The following PAM variants were observed in gnomAD, a reference collection of about 807,000 sequenced individuals.
PAM encodes the protein peptidylglycine alpha-amidating monooxygenase.
Under a neutral mutation model 122.1 loss-of-function variants are expected in PAM, and 72 were observed. The observed-to-expected ratio is 0.59, with a 90% CI of 0.49 to 0.72. PAM has a LOEUF of 0.72. PAM is among the 30% of genes least tolerant of loss of function. The pLI is 0.00. For synonymous variants in PAM, 389 were observed against 404.4 expected, an observed-to-expected ratio of 0.96 and a Z score of 0.46; for missense variants, 1,106 against 1,183.7, an observed-to-expected ratio of 0.93 and a Z score of 0.96.
rs898199506 is a variant in PAM at position 103,022,184 on chromosome 5, G to C, written c.2485+2341G>C. Among the ~76,000 whole-genome samples the C allele has an allele frequency of 2.9e-5, 4 of 140,190 alleles. No individual in the cohort carries two copies. In the Admixed American group the frequency reaches 3.1e-4, roughly 11 times the overall value. The allele number at this position is 140,190 out of a possible 152,430, so 92.0% of individuals were successfully genotyped here. A position where few individuals can be genotyped will look rare whatever the true frequency, so the allele number is the denominator to read the frequency against. On this transcript the variant is annotated intron_variant, in intron 23 of 25. Coordinates refer to ENST00000438793, the MANE Select transcript of PAM (RefSeq NM_001177306.2). ...AAAATAAAAAAACCTCTTTAGTGCA[G>C]TTAGCTTTTTAGGCCTTATGGTAAG...
At chr5:102,990,487 G>T in intron 16 of PAM, 86 bp downstream of exon 16, 2 of 992,052 alleles carry the variant, frequency 2.0e-6, no homozygotes, top group East Asian at 2.8e-5. Context: ...AATGGTGAGA[G>T]AACTATAAAG....
At chr5:102,767,998 G>A (rs924233461) in intron 1 of PAM, among the ~76,000 whole-genome samples, 1 of 152,108 alleles carries the variant, frequency 6.6e-6, no homozygotes, top group Non-Finnish European at 1.5e-5. Context: ...AGCTTGTCGT[G>A]TGGGAATTAA....
intron 7 of PAM, among the ~76,000 whole-genome samples, chr5:102,945,041 T>C (rs1756572943): frequency 6.6e-6 from 1 of 152,158 alleles, no homozygotes; most frequent in Admixed American, 6.6e-5. Flanking sequence ...AAAATATTCA[T>C]GTACTGTATT....
At position 103,029,194 on chromosome 5, in the gene PAM, A is replaced by T; in HGVS notation, c.*129A>T. ...GTCTGTGTGGGACTGTACACACTTT[A>T]TTTACTTCGTTTTGGTTAAGTTGGC... On this transcript the variant is annotated 3_prime_UTR_variant, in exon 26 of 26. Coordinates refer to ENST00000438793, the MANE Select transcript of PAM (RefSeq NM_001177306.2). 1.6e-6 allele frequency: 1 copy of T among 635,474 alleles called. No homozygotes were observed. The highest frequency in any genetic ancestry group is 2.4e-6 in the Non-Finnish European group (1 of 417,738). 39.4% of individuals were successfully genotyped at this position (635,474 alleles called of 1,614,324 possible).
At chr5:102,971,202 G>A (rs1765726274) in intron 14 of PAM, among the ~76,000 whole-genome samples, 1 of 152,206 alleles carries the variant, frequency 6.6e-6, no homozygotes, top group Non-Finnish European at 1.5e-5. Flanking sequence ...GGTTGAAGCA[G>A]ATGCATGTTG....
chr5:102,905,897 T>TA (rs1405185032), intron 4 of PAM, among the ~76,000 whole-genome samples: 1 of 151,672 alleles, frequency 6.6e-6, no homozygotes, highest in Non-Finnish European at 1.5e-5. Flanking sequence ...GGAAAACACT[T>TA]AGTTTCTTAG....
intron 7 of PAM, among the ~76,000 whole-genome samples, chr5:102,936,442 T>A (rs1753281430): frequency 1.3e-5 from 2 of 152,144 alleles, no homozygotes; most frequent in Admixed American, 1.3e-4. Flanking sequence ...CTGACATCCT[T>A]AATGTGCAAG....
At chr5:102,807,059 T>C (rs1004318847) in intron 1 of PAM, among the ~76,000 whole-genome samples, 1 of 152,222 alleles carries the variant, frequency 6.6e-6, no homozygotes, top group Non-Finnish European at 1.5e-5. Flanking sequence ...ACAACCTTCA[T>C]TTTTGATTGT....
intron 1 of PAM, among the ~76,000 whole-genome samples, chr5:102,806,186 C>T (rs1210965976): frequency 1.3e-5 from 2 of 152,142 alleles, no homozygotes; most frequent in Non-Finnish European, 2.9e-5. Flanking sequence ...TTTTTCCACC[C>T]TAATTCTGTT....
chr5:102,899,935 G>C (rs1357356002), intron 3 of PAM, among the ~76,000 whole-genome samples: 2 of 151,580 alleles, frequency 1.3e-5, no homozygotes, highest in African/African-American at 2.4e-5. Flanking sequence ...CTTTATGACA[G>C]GAGGCAGTGG....
chr5:103,011,848 A>G (rs1780727720), intron 21 of PAM, among the ~76,000 whole-genome samples: 1 of 152,150 alleles, frequency 6.6e-6, no homozygotes, highest in Non-Finnish European at 1.5e-5. Flanking sequence ...AAACTGTTCT[A>G]TATAGTTTTA....
chr5:103,018,371 C>T (rs993389703), intron 22 of PAM, among the ~76,000 whole-genome samples: 4 of 152,084 alleles, frequency 2.6e-5, no homozygotes, highest in Non-Finnish European at 5.9e-5. Context: ...ATCAGGAGTC[C>T]AAACACATAA....
At chr5:102,826,225 A>C (rs1206942954) in intron 1 of PAM, among the ~76,000 whole-genome samples, 1 of 152,112 alleles carries the variant, frequency 6.6e-6, no homozygotes, top group Non-Finnish European at 1.5e-5. Context: ...TTTTACTTGA[A>C]AATTTGTTAC....
chr5:102,839,169 C>T (rs6859239), intron 1 of PAM, among the ~76,000 whole-genome samples: 11,794 of 152,204 alleles, frequency 0.077, 777 homozygotes, highest in African/African-American at 0.17. Context: ...ATTTCATTTA[C>T]TCTCTATCAA....
chr5:102,844,658 C>T (rs2150623624), intron 1 of PAM, among the ~76,000 whole-genome samples: 1 of 152,034 alleles, frequency 6.6e-6, no homozygotes, highest in East Asian at 1.9e-4. Flanking sequence ...TAGAGCAAGA[C>T]TCTGTCTCTC....
intron 15 of PAM, among the ~76,000 whole-genome samples, chr5:102,979,764 G>T (rs770821240): frequency 1.3e-5 from 2 of 151,854 alleles, no homozygotes; most frequent in Non-Finnish European, 2.9e-5. Context: ...TCTTTTTCAT[G>T]ATTAATTGAT....
rs1424899292 is a variant in PAM at position 103,017,372 on chromosome 5, T to C, written c.2370T>C (p.Asp790=). Residue 790 remains aspartate, a synonymous_variant, in exon 22 of 26, where the codon GAT becomes GAC. Transcript: ENST00000438793. The part of the protein sequence containing the change: ...DMPHDIVASE[D]GTVYIGDAHT... ...CTCATGATATTGTTGCATCTGAAGA[T>C]GGGACTGTGTACATTGGAGATGCTC... 1 of 1,612,670 alleles carries C rather than the reference T, an allele frequency of 6.2e-7. No individual in the cohort carries two copies. The highest frequency in any genetic ancestry group is 8.5e-7 in the Non-Finnish European group (1 of 1,178,788).
chr5:102,955,577 G>A (rs1446867293), intron 12 of PAM, among the ~76,000 whole-genome samples: 4 of 152,008 alleles, frequency 2.6e-5, no homozygotes, highest in African/African-American at 9.7e-5. Context: ...TATTAAGTAT[G>A]CCAGTATAAA....
At chr5:102,952,116 G>A (rs1759125717) in intron 12 of PAM, among the ~76,000 whole-genome samples, 1 of 152,056 alleles carries the variant, frequency 6.6e-6, no homozygotes, top group Non-Finnish European at 1.5e-5. Context: ...AAATAGAGCA[G>A]TAAAAAAATC....
Sources: allele counts gnomAD v4.1 joint callset (sites outside exome capture counted in the v4.1 genomes callset), GRCh38; gene constraint gnomAD v4.1.1; transcripts MANE v1.5; gene names NCBI Gene and HGNC (gene_info 2026-07-23, HGNC 2026-07-21).